The following AUTS2 variants were observed in gnomAD, a reference collection of about 807,000 sequenced individuals.
AUTS2 encodes the protein autism susceptibility gene 2 protein.
AUTS2 carries 17 observed loss-of-function variants against 112.4 expected under a neutral mutation model. That is an observed-to-expected ratio of 0.15 (90% CI 0.10 to 0.23). The LOEUF is 0.23. Among genes scored for constraint, AUTS2 ranks in the 10% least tolerant of loss-of-function variants. The pLI is 1.00. For missense variants in AUTS2, 1,510 were observed against 1,701.6 expected (o/e 0.89, Z 1.98); for synonymous variants, 751 against 702.7 (o/e 1.07, Z -1.09).
chr7:70,673,191 G>A (rs1222099775), intron 5 of AUTS2, among the ~76,000 whole-genome samples: 1 of 152,104 alleles, frequency 6.6e-6, no homozygotes. Context: ...ATGCCCCCCA[G>A]GGACAATCCC....
At chr7:70,674,083 A>G (rs1807785452) in intron 5 of AUTS2, among the ~76,000 whole-genome samples, 1 of 151,994 alleles carries the variant, frequency 6.6e-6, no homozygotes, top group Non-Finnish European at 1.5e-5. Flanking sequence ...GGGCCGCATT[A>G]CCTGGAGTCA....
chr7:70,148,030 G>A (rs1807226440), intron 4 of AUTS2, among the ~76,000 whole-genome samples: 1 of 152,034 alleles, frequency 6.6e-6, no homozygotes. Flanking sequence ...TTTTCTGGGA[G>A]GATTGGTACT....
chr7:69,985,761 CT>C (rs772444694), intron 2 of AUTS2, among the ~76,000 whole-genome samples: 381 of 143,492 alleles, frequency 2.7e-3, no homozygotes, highest in Middle Eastern at 7.4e-3. Flanking sequence ...GCCCCCTTTA[CT>C]TTTTTTTTTT....
chr7:69,870,777 A>G (rs1022200506), intron 1 of AUTS2, among the ~76,000 whole-genome samples: 7 of 151,962 alleles, frequency 4.6e-5, no homozygotes, highest in African/African-American at 1.7e-4. Flanking sequence ...TAAAATATAA[A>G]ATATTTTTCT....
chr7:70,769,645 A>C (rs62456833), intron 10 of AUTS2, among the ~76,000 whole-genome samples: 5,289 of 152,304 alleles, frequency 0.035, 149 homozygotes, highest in African/African-American at 0.072. Context: ...AGACGGCTCC[A>C]CTGCACTCCT....
At chr7:69,871,958 T>C (rs188565347) in intron 1 of AUTS2, among the ~76,000 whole-genome samples, 1 of 152,348 alleles carries the variant, frequency 6.6e-6, no homozygotes, top group Admixed American at 6.5e-5. Context: ...TGGAGTTCTA[T>C]GTTACTGGGA....
intron 5 of AUTS2, among the ~76,000 whole-genome samples, chr7:70,457,409 G>A (rs766152399): frequency 3.3e-5 from 5 of 151,914 alleles, no homozygotes; most frequent in Admixed American, 6.5e-5. Flanking sequence ...CCTCAGACAC[G>A]TCCTCTCTCC....
chr7:70,659,833 G>C (rs1230113449), intron 5 of AUTS2, among the ~76,000 whole-genome samples: 3 of 152,190 alleles, frequency 2.0e-5, no homozygotes, highest in Non-Finnish European at 4.4e-5. Context: ...CAAGTGGCAG[G>C]AGAGAGTGCA....
intron 5 of AUTS2, among the ~76,000 whole-genome samples, chr7:70,671,407 C>G (rs945116818): frequency 1.3e-4 from 20 of 152,180 alleles, no homozygotes; most frequent in African/African-American, 4.8e-4. Flanking sequence ...ATAGCCCTAG[C>G]CCCTAGAATA....
At chr7:70,063,458 G>C (rs1334863812) in intron 2 of AUTS2, among the ~76,000 whole-genome samples, 1 of 152,102 alleles carries the variant, frequency 6.6e-6, no homozygotes, top group Non-Finnish European at 1.5e-5. Flanking sequence ...CAGCTTTCTC[G>C]TATCCTGGCT....
chr7:69,739,143 C>T (rs1423771577), intron 1 of AUTS2, among the ~76,000 whole-genome samples: 2 of 152,002 alleles, frequency 1.3e-5, no homozygotes, highest in Non-Finnish European at 2.9e-5. Flanking sequence ...AATAACAACC[C>T]ACCACCTTCA....
intron 5 of AUTS2, among the ~76,000 whole-genome samples, chr7:70,668,181 G>A (rs531589220): frequency 1.8e-4 from 27 of 152,334 alleles, no homozygotes; most frequent in Non-Finnish European, 3.1e-4. Flanking sequence ...GTTTCACCAT[G>A]TTGGCTAGGC....
intron 1 of AUTS2, among the ~76,000 whole-genome samples, chr7:69,639,089 T>C (rs925096185): frequency 1.3e-5 from 2 of 152,364 alleles, no homozygotes; most frequent in South Asian, 4.1e-4. Context: ...TAGTGAATTA[T>C]TATAGAGTTT....
At chr7:70,438,723 G>GC (rs1207052524) in intron 5 of AUTS2, among the ~76,000 whole-genome samples, 1 of 152,182 alleles carries the variant, frequency 6.6e-6, no homozygotes, top group African/African-American at 2.4e-5. Context: ...TCTTGCCTGT[G>GC]CCCCCCTCGA....
rs144614635 is a variant in AUTS2 at position 69,659,484 on chromosome 7, C to G, written c.309+59522C>G. 1.3e-3 allele frequency among the ~76,000 whole-genome samples: 191 copies of G among 147,520 alleles called. 1 individual carries two copies. Among genetic ancestry groups the G allele is most frequent in the East Asian group, 0.013 (64 of 5,074 alleles). On this transcript the variant is annotated intron_variant, in intron 1 of 18. Transcript: ENST00000342771. ...TTTTTTTTTCAAAACGCCGCTATAC[C>G]TACTAATTGGATATCCATCAGGGGA...
chr7:70,352,404 A>G (rs911819738), intron 4 of AUTS2, among the ~76,000 whole-genome samples: 24 of 151,814 alleles, frequency 1.6e-4, no homozygotes, highest in African/African-American at 5.8e-4. Flanking sequence ...TTTTTCCTAG[A>G]CTGTAAACTC....
At chr7:69,826,973 AC>A (rs1791277286) in intron 1 of AUTS2, among the ~76,000 whole-genome samples, 1 of 152,026 alleles carries the variant, frequency 6.6e-6, no homozygotes, top group Non-Finnish European at 1.5e-5. Context: ...AAGAGTCAAC[AC>A]CCATTTCATG....
At chr7:69,879,130 G>A in intron 1 of AUTS2, among the ~76,000 whole-genome samples, 1 of 149,188 alleles carries the variant, frequency 6.7e-6, no homozygotes, top group East Asian at 2.0e-4. Flanking sequence ...CTGTGTGTGT[G>A]TGTGTGTGTG....
At chr7:70,057,017 C>G (rs1182128558) in intron 2 of AUTS2, among the ~76,000 whole-genome samples, 1 of 152,166 alleles carries the variant, frequency 6.6e-6, no homozygotes, top group Non-Finnish European at 1.5e-5. Flanking sequence ...AGGCTCGTTC[C>G]TGTTTCAAAT....
Sources: gnomAD v4.1 joint callset for allele counts (sites outside exome capture counted in the v4.1 genomes callset) on GRCh38, gnomAD v4.1.1 for gene constraint, MANE v1.5 for transcripts, NCBI Gene and HGNC (gene_info 2026-07-23, HGNC 2026-07-21) for gene names.